LIPJ: variants seen among roughly 807,000 people sequenced by gnomAD.
LIPJ encodes the protein lipase family member J.
Under a neutral mutation model 39.8 loss-of-function variants are expected in LIPJ, and 33 were observed. That is an observed-to-expected ratio of 0.83 (90% CI 0.63 to 1.11). LIPJ has a LOEUF of 1.11. LIPJ is among the 50% of genes least tolerant of loss of function. LIPJ has a pLI of 0.00. For missense variants in LIPJ, 422 were observed against 427.9 expected (o/e 0.99, Z 0.12); for synonymous variants, 128 against 139.2 (o/e 0.92, Z 0.57).
intron 9 of LIPJ, among the ~76,000 whole-genome samples, chr10:88,604,558 T>C (rs562294548): frequency 1.1e-4 from 17 of 152,230 alleles, no homozygotes; most frequent in Admixed American, 9.2e-4. Flanking sequence ...ATGTATATCA[T>C]GAACATGCAG....
chr10:88,583,619 A>G, upstream of LIPJ: 1 of 990,734 alleles, frequency 1.0e-6, no homozygotes, highest in Non-Finnish European at 1.2e-6. Context: ...TCTAGATTTG[A>G]AAGTGGGAAG....
chr10:88,583,914 A>G (rs1307884174), upstream of LIPJ: 2 of 178,042 alleles, frequency 1.1e-5, no homozygotes, highest in Non-Finnish European at 2.2e-5. Flanking sequence ...GAATATAAAG[A>G]TGAACAACAA....
chr10:88,615,313 G>A, the LIPJ span, among the ~76,000 whole-genome samples: 6 of 152,132 alleles, frequency 3.9e-5, no homozygotes, highest in Non-Finnish European at 8.8e-5. Context: ...AAATCTCTCT[G>A]ATAAACAGAA....
intron 8 of LIPJ, 47 bp downstream of exon 8, chr10:88,596,983 A>G (rs376860773): frequency 2.0e-4 from 212 of 1,074,878 alleles, no homozygotes; most frequent in Middle Eastern, 1.3e-3. Context: ...CAATATTTGG[A>G]AAGTATAATA....
intron 9 of LIPJ, among the ~76,000 whole-genome samples, chr10:88,603,788 C>G (rs377404353): frequency 6.6e-6 from 1 of 151,954 alleles, no homozygotes; most frequent in Non-Finnish European, 1.5e-5. Context: ...TTTTCATTTA[C>G]GAAAGTTTAA....
the LIPJ span, among the ~76,000 whole-genome samples, chr10:88,613,758 A>ATG: frequency 3.8e-4 from 31 of 81,344 alleles, no homozygotes; most frequent in African/African-American, 1.0e-3. Flanking sequence ...ATATATATAT[A>ATG]TATGTGTGTG....
chr10:88,590,783 A>T, intron 3 of LIPJ, 87 bp downstream of exon 3: 1 of 942,494 alleles, frequency 1.1e-6, no homozygotes, highest in East Asian at 2.4e-5. Flanking sequence ...ATAGATTTAC[A>T]GTCAAACGTA....
chr10:88,582,939 C>G, upstream of LIPJ: 3 of 1,061,340 alleles, frequency 2.8e-6, no homozygotes, highest in Non-Finnish European at 3.9e-6. Flanking sequence ...GCGCATGGGC[C>G]GCGCTACACG....
chr10:88,605,572 C>G lies in LIPJ; in HGVS notation c.796-61C>G, dbSNP rs182155128. 6.8e-3 allele frequency: 7,932 copies of G among 1,171,136 alleles called. 83 individuals carry two copies. The highest frequency in any genetic ancestry group is 0.031 in the South Asian group (2,458 of 80,320). 72.5% of individuals were successfully genotyped at this position (1,171,136 alleles called of 1,614,324 possible). A position where few individuals can be genotyped will look rare whatever the true frequency, so the allele number is the denominator to read the frequency against. On this transcript the variant is annotated intron_variant, in intron 9 of 10. Transcript: ENST00000371939. Reference sequence around the variant, plus strand: ...GGGTATATATGCATTGCATGCTTAACTTGCTCAGCTGCCACTGTAATGAAC... The same window carrying G: ...GGGTATATATGCATTGCATGCTTAAGTTGCTCAGCTGCCACTGTAATGAAC...
At chr10:88,605,101 G>A (rs1851616916) in intron 9 of LIPJ, among the ~76,000 whole-genome samples, 2 of 152,154 alleles carry the variant, frequency 1.3e-5, no homozygotes, top group South Asian at 4.1e-4. Context: ...TGCTGCCAAC[G>A]GATAACATGA....
chr10:88,594,137 G>A, exon 5 of LIPJ: 1 of 1,607,480 alleles, frequency 6.2e-7, no homozygotes. Context: ...AGAATTCTGG[G>A]CTTTCAGGTA....
At chr10:88,623,052 C>T in the LIPJ span, among the ~76,000 whole-genome samples, 1 of 152,106 alleles carries the variant, frequency 6.6e-6, no homozygotes, top group Non-Finnish European at 1.5e-5. Flanking sequence ...ACATTGGAAA[C>T]CATTCTATAC....
chr10:88,608,272 C>T (rs541740828), downstream of LIPJ, among the ~76,000 whole-genome samples: 1 of 152,302 alleles, frequency 6.6e-6, no homozygotes, highest in East Asian at 1.9e-4. Context: ...TAGAACGCTT[C>T]GCCTCTCTCA....
At chr10:88,586,142 T>C (rs748217975), upstream of LIPJ, among the ~76,000 whole-genome samples, 1 of 152,230 alleles carries the variant, frequency 6.6e-6, no homozygotes, top group Admixed American at 6.5e-5. Flanking sequence ...CCTATGATCA[T>C]ACGCTCTTTC....
chr10:88,616,680 C>T, the LIPJ span, among the ~76,000 whole-genome samples: 24 of 152,326 alleles, frequency 1.6e-4, no homozygotes, highest in East Asian at 4.6e-3. Context: ...ACTACAGCAT[C>T]CTGAAGTTGC....
At chr10:88,594,833 T>C (rs1851204834) in intron 6 of LIPJ, 57 bp downstream of exon 6, 1 of 775,822 alleles carries the variant, frequency 1.3e-6, no homozygotes, top group African/African-American at 1.8e-5. Flanking sequence ...AGGTTGTGCA[T>C]ATACTTCTTA....
chr10:88,583,303 G>A, upstream of LIPJ: 16 of 1,477,728 alleles, frequency 1.1e-5, no homozygotes, highest in Non-Finnish European at 1.3e-5. Context: ...GTGCTCCCTG[G>A]GCCGACCTGG....
chr10:88,607,556 A>G (rs1274023714), downstream of LIPJ, among the ~76,000 whole-genome samples: 1 of 152,204 alleles, frequency 6.6e-6, no homozygotes, highest in Non-Finnish European at 1.5e-5. Context: ...AGGTAACTAG[A>G]TCTGAGGCTG....
chr10:88,605,602 G>A (rs1040199136), intron 9 of LIPJ, 31 bp from the exon 10 acceptor site: 5 of 1,480,276 alleles, frequency 3.4e-6, no homozygotes, highest in Non-Finnish European at 4.7e-6. Context: ...ATGAACAAAT[G>A]ATATGGTCTT....
Sources: gnomAD v4.1 joint callset for allele counts (sites outside exome capture counted in the v4.1 genomes callset) on GRCh38, gnomAD v4.1.1 for gene constraint, MANE v1.5 for transcripts, NCBI Gene and HGNC (gene_info 2026-07-23, HGNC 2026-07-21) for gene names.